Variants in RBM33 observed in about 807,000 individuals in gnomAD.
RBM33 encodes the protein RNA binding motif protein 33.
A neutral mutation model predicts 132.6 loss-of-function variants in RBM33; 28 were observed. That is an observed-to-expected ratio of 0.21 (90% confidence interval 0.16 to 0.29). The LOEUF (loss-of-function observed/expected upper bound fraction) is 0.29, where lower values mean the gene tolerates loss of function less well. RBM33 is among the 10% of genes least tolerant of loss of function. RBM33 has a pLI of 1.00. For missense variants in RBM33, 1,291 were observed against 1,518.5 expected, an observed-to-expected ratio of 0.85 and a Z score of 2.49; for synonymous variants, 634 against 593.0, an observed-to-expected ratio of 1.07 and a Z score of -1.01.
At chr7:155,680,045 A>C (rs1799295283) in intron 4 of RBM33, among the ~76,000 whole-genome samples, 1 of 152,160 alleles carries the variant, frequency 6.6e-6, no homozygotes, top group Non-Finnish European at 1.5e-5. Context: ...ACTGAAATGT[A>C]TTTTCACACA....
In RBM33 at chr7:155,721,668, T is replaced by A. The variant is rs73734710; in HGVS notation, c.1260+3225T>A. ...TTGCTGAGTTATAATACCTCTAGTT[T>A]TTTTAATTAAAAATTACAGAAATTG... On this transcript the variant is annotated intron_variant, in intron 9 of 17. Coordinates refer to ENST00000401878, the MANE Select transcript of RBM33 (RefSeq NM_053043.3). Among the ~76,000 whole-genome samples, 1,447 of 152,290 alleles carry A rather than the reference T, an allele frequency of 9.5e-3. 20 individuals carry two copies. The highest frequency in any genetic ancestry group is 0.033 in the African/African-American group (1,368 of 41,552).
chr7:155,740,298 T>C (rs1159085165), intron 12 of RBM33, among the ~76,000 whole-genome samples: 1 of 152,246 alleles, frequency 6.6e-6, no homozygotes, highest in Non-Finnish European at 1.5e-5. Context: ...GATATTTCTA[T>C]AGCAATAGAC....
intron 1 of RBM33, 131 bp downstream of exon 1, chr7:155,645,050 T>G (rs1291349978): frequency 1.6e-6 from 1 of 609,462 alleles, no homozygotes; most frequent in Non-Finnish European, 2.7e-6. Context: ...TTCGGCCTAT[T>G]CCGTTTTCTC....
At chr7:155,663,416 G>A (rs1798710298) in intron 1 of RBM33, among the ~76,000 whole-genome samples, 1 of 151,996 alleles carries the variant, frequency 6.6e-6, no homozygotes, top group Non-Finnish European at 1.5e-5. Context: ...GGAAGGCCAA[G>A]CAGGAACAGG....
intron 3 of RBM33, among the ~76,000 whole-genome samples, chr7:155,673,940 G>GTTGTTGTTTGTTTTTTTTTTTGTTTT: frequency 5.5e-5 from 3 of 54,214 alleles, no homozygotes; most frequent in Non-Finnish European, 9.7e-5. Context: ...TTTAGGCTTA[G>GTTGTTGTTTGTTTTTTTTTTTGTTTT]TTTTTTTTTT....
chr7:155,676,625 G>A (rs1471428702), intron 3 of RBM33, among the ~76,000 whole-genome samples: 1 of 152,182 alleles, frequency 6.6e-6, no homozygotes, highest in Non-Finnish European at 1.5e-5. Context: ...ACTAGCATCT[G>A]TGGCCACTTT....
Position 155,695,205 on chromosome 7 carries a change from A to C in RBM33, c.568-5568A>C, listed in dbSNP as rs1372347544. 7.9e-5 allele frequency among the ~76,000 whole-genome samples: 12 copies of C among 151,982 alleles called. No individual in the cohort carries two copies. The Middle Eastern group carries it at 0.01, about 129-fold the overall frequency. ...TGCTTCTAGTTTTAGTCTCTCACTCAAAAAAAAGTGGGTTGTCTTTTTATT... is the reference window on the plus strand; with the variant it reads ...TGCTTCTAGTTTTAGTCTCTCACTCCAAAAAAAGTGGGTTGTCTTTTTATT... On this transcript the variant is annotated intron_variant, in intron 5 of 17. Transcript: ENST00000401878.
chr7:155,646,473 A>G (rs1038997094), intron 1 of RBM33, among the ~76,000 whole-genome samples: 2 of 152,146 alleles, frequency 1.3e-5, no homozygotes, highest in Non-Finnish European at 2.9e-5. Flanking sequence ...TCTTCATACC[A>G]AACTCCTTGC....
intron 5 of RBM33, among the ~76,000 whole-genome samples, chr7:155,689,955 G>T (rs1799586521): frequency 6.6e-6 from 1 of 152,220 alleles, no homozygotes; most frequent in Admixed American, 6.5e-5. Flanking sequence ...TGCTGATTTA[G>T]GGTGGAGACT....
rs148975210 is a variant in RBM33, at chr7:155,724,988, G to GTTTTT, written c.1260+6548_1260+6549insTTTTT. ...AGTTGCTGTAAACATTTGTGTACAGGTTTGTGTGTGTGTGTGTGTGTGTGT... is the reference window on the plus strand; with the variant it reads ...AGTTGCTGTAAACATTTGTGTACAGGTTTTTTTTGTGTGTGTGTGTGTGTGTGTGT... On this transcript the variant is annotated intron_variant, in intron 9 of 17. Transcript: ENST00000401878. 5.2e-3 allele frequency among the ~76,000 whole-genome samples: 612 copies of GTTTTT among 117,204 alleles called. 7 individuals carry two copies. Among genetic ancestry groups the GTTTTT allele is most frequent in the African/African-American group, 0.018 (446 of 24,270 alleles). The allele number at this position is 117,204 out of a possible 152,430, so 76.9% of individuals were successfully genotyped here. A position where few individuals can be genotyped will look rare whatever the true frequency, so the allele number is the denominator to read the frequency against.
At chr7:155,691,529 C>T (rs1363983013) in intron 5 of RBM33, among the ~76,000 whole-genome samples, 1 of 152,084 alleles carries the variant, frequency 6.6e-6, no homozygotes, top group Admixed American at 6.6e-5. Flanking sequence ...CTTTATTCTT[C>T]CCTGATACTC....
Position 155,686,560 on chromosome 7 carries a change from A to G in RBM33, c.567+5652A>G, listed in dbSNP as rs918849911. Among the ~76,000 whole-genome samples the G allele has an allele frequency of 3.3e-5, 5 of 151,680 alleles. No individual in the cohort carries two copies. In the South Asian group the frequency reaches 6.2e-4, roughly 19 times the overall value. On this transcript the variant is annotated intron_variant, in intron 5 of 17. Coordinates refer to ENST00000401878, the MANE Select transcript of RBM33 (RefSeq NM_053043.3). ...TTTGTTACATATGTATACATGCACC[A>G]TGTTGGTGTGCTGCACCCATTAACT...
chr7:155,714,936 G>T (rs1045086378), intron 8 of RBM33, among the ~76,000 whole-genome samples: 2 of 152,110 alleles, frequency 1.3e-5, no homozygotes, highest in Non-Finnish European at 2.9e-5. Flanking sequence ...AGGGAGGGGG[G>T]CGCCTCTTGA....
chr7:155,697,453 T>A (rs1799826897), intron 5 of RBM33, among the ~76,000 whole-genome samples: 2 of 152,214 alleles, frequency 1.3e-5, no homozygotes, highest in African/African-American at 2.4e-5. Flanking sequence ...TTTTCACTGT[T>A]GGTAGAATGA....
chr7:155,744,906 A>G lies in RBM33; in HGVS notation c.2338-55A>G, dbSNP rs1801462014. 3.4e-6 allele frequency: 5 copies of G among 1,469,324 alleles called. No individual in the cohort carries two copies. In the Admixed American group the frequency reaches 7.4e-5, roughly 22 times the overall value. 91.0% of individuals were successfully genotyped at this position (1,469,324 alleles called of 1,614,324 possible). A position where few individuals can be genotyped will look rare whatever the true frequency, so the allele number is the denominator to read the frequency against. On this transcript the variant is annotated intron_variant, in intron 13 of 17. Transcript: ENST00000401878. The stretch of plus-strand genomic sequence containing the variant: ...GTGTTCTTGTAATTTGTTGAAATAG[A>G]CTATGGGCACCTTGCCTGTATAGCA...
At chr7:155,767,098 T>C (rs749895073) in intron 16 of RBM33, among the ~76,000 whole-genome samples, 21 of 152,264 alleles carry the variant, frequency 1.4e-4, no homozygotes, top group Admixed American at 3.3e-4. Context: ...AATATGACAG[T>C]ATCTTGGATT....
intron 16 of RBM33, among the ~76,000 whole-genome samples, chr7:155,772,148 A>G (rs75755997): frequency 1.5e-3 from 231 of 152,364 alleles, no homozygotes; most frequent in African/African-American, 5.3e-3. Flanking sequence ...AAACTGTTTC[A>G]GTCACTTTTG....
rs759399085 is a variant in RBM33, at chr7:155,711,220, A to ACCGCCTCCG, written c.971_972insTCCGCCGCC (p.Pro325_Pro327dup). On this transcript the variant is annotated inframe_insertion, in exon 8 of 18. Coordinates refer to ENST00000401878, the MANE Select transcript of RBM33 (RefSeq NM_053043.3). ...CTCCACAGCCCCAGGCTCCCCCTCCACCGCCACCGCCGCCTCAGCAGCAGC... is the reference window on the plus strand; with the variant it reads ...CTCCACAGCCCCAGGCTCCCCCTCCACCGCCTCCGCCGCCACCGCCGCCTCAGCAGCAGC... The ACCGCCTCCG allele has an allele frequency of 1.3e-6, 2 of 1,571,710 alleles. No individual in the cohort carries two copies. The highest frequency in any genetic ancestry group is 1.9e-5 in the Admixed American group (1 of 53,988).
intron 2 of RBM33, among the ~76,000 whole-genome samples, chr7:155,671,886 T>G (rs1798950130): frequency 6.6e-6 from 1 of 152,200 alleles, no homozygotes; most frequent in Non-Finnish European, 1.5e-5. Context: ...AAAATCTTGT[T>G]TCTAATAAAT....
Sources: allele counts gnomAD v4.1 joint callset (sites outside exome capture counted in the v4.1 genomes callset), GRCh38; gene constraint gnomAD v4.1.1; transcripts MANE v1.5; gene names NCBI Gene and HGNC (gene_info 2026-07-23, HGNC 2026-07-21).